Variants in TEX9 observed in about 807,000 individuals in gnomAD.
The protein encoded by TEX9 is testis expressed 9.
A neutral mutation model predicts 59.6 loss-of-function variants in TEX9; 74 were observed. The ratio of observed to expected loss-of-function variants is 1.24; its 90% CI spans 1.03 to 1.51. TEX9 has a LOEUF of 1.51. Among genes scored for constraint, TEX9 ranks in the 40% most tolerant of loss-of-function variants. The probability of loss-of-function intolerance (pLI) is 0.00; values close to 1 mark genes in which losing one functional copy is unlikely to be tolerated. For missense variants in TEX9, 522 were observed against 447.8 expected (o/e 1.17, Z -1.49); for synonymous variants, 186 against 152.2 (o/e 1.22, Z -1.64).
At chr15:56,340,934 C>T (rs1596103328) in intron 1 of TEX9, among the ~76,000 whole-genome samples, 1 of 152,056 alleles carries the variant, frequency 6.6e-6, no homozygotes, top group African/African-American at 2.4e-5. Flanking sequence ...TTTCTGCAGG[C>T]CCATAGGGTT....
At chr15:56,375,821 C>T (rs867069953) in intron 3 of TEX9, among the ~76,000 whole-genome samples, 19 of 150,938 alleles carry the variant, frequency 1.3e-4, no homozygotes, top group Non-Finnish European at 5.9e-5. Context: ...GGAACCAACC[C>T]AAATGTCCAA....
At chr15:56,316,825 A>G (rs2713905) in intron 1 of TEX9, among the ~76,000 whole-genome samples, 138,413 of 152,238 alleles carry the variant, frequency 0.91, 64,110 homozygotes, top group Non-Finnish European at 1. Context: ...AGGACCCTCC[A>G]AGCCAGGTGC....
intron 1 of TEX9, among the ~76,000 whole-genome samples, chr15:56,319,515 G>T (rs1387108994): frequency 1.3e-5 from 2 of 152,010 alleles, no homozygotes; most frequent in Admixed American, 6.5e-5. Flanking sequence ...ATAATAAAAA[G>T]GTACCCTTTC....
chr15:56,341,702 A>G (rs1309232843), intron 1 of TEX9, among the ~76,000 whole-genome samples: 1 of 152,228 alleles, frequency 6.6e-6, no homozygotes, highest in Non-Finnish European at 1.5e-5. Context: ...AATAGTAATT[A>G]TTATTTAAAT....
intron 1 of TEX9, among the ~76,000 whole-genome samples, chr15:56,329,531 C>T (rs2046097316): frequency 6.6e-6 from 1 of 151,944 alleles, no homozygotes; most frequent in East Asian, 1.9e-4. Context: ...TAGAAAACTC[C>T]AATTCAAGAT....
chr15:56,345,594 T>C (rs963570221), intron 1 of TEX9, among the ~76,000 whole-genome samples: 2 of 152,286 alleles, frequency 1.3e-5, no homozygotes, highest in East Asian at 1.9e-4. Context: ...CCAGCTTCTT[T>C]CCCAGCTTTT....
intron 3 of TEX9, among the ~76,000 whole-genome samples, chr15:56,377,951 G>A (rs1422867177): frequency 6.6e-6 from 1 of 152,090 alleles, no homozygotes; most frequent in Non-Finnish European, 1.5e-5. Context: ...TTTATCAAAT[G>A]CTTTTCCAGG....
chr15:56,386,347 G>T (rs1183780548), intron 4 of TEX9, among the ~76,000 whole-genome samples: 2 of 151,836 alleles, frequency 1.3e-5, no homozygotes, highest in Non-Finnish European at 1.5e-5. Flanking sequence ...CTTGGTGGTT[G>T]TGGTGGTTAT....
chr15:56,380,963 C>T (rs1350369121), intron 3 of TEX9, among the ~76,000 whole-genome samples: 1 of 152,140 alleles, frequency 6.6e-6, no homozygotes, highest in Non-Finnish European at 1.5e-5. Flanking sequence ...TGATAACTTT[C>T]TCAAGGTTTG....
chr15:56,273,793 A>G (rs2141414478), intron 1 of TEX9, among the ~76,000 whole-genome samples: 1 of 151,934 alleles, frequency 6.6e-6, no homozygotes, highest in Admixed American at 6.5e-5. Context: ...TGAATAGTCT[A>G]CTCTAATTCT....
intron 10 of TEX9, among the ~76,000 whole-genome samples, chr15:56,427,237 A>G (rs1285628833): frequency 7.2e-5 from 11 of 151,768 alleles, no homozygotes; most frequent in African/African-American, 2.4e-4. Flanking sequence ...TCCAGTTTCT[A>G]CTTATTATTG....
chr15:56,310,959 G>A (rs1449326334), intron 1 of TEX9, among the ~76,000 whole-genome samples: 1 of 152,024 alleles, frequency 6.6e-6, no homozygotes, highest in African/African-American at 2.4e-5. Flanking sequence ...AAAGTCATAG[G>A]GAAGGGCCCT....
chr15:56,428,880 TGTTGTAGA>T (rs1424370200), intron 12 of TEX9: 1 of 490,730 alleles, frequency 2.0e-6, no homozygotes, highest in African/African-American at 2.0e-5. Flanking sequence ...TGCTCTGTAG[TGTTGTAGA>T]AATCGGATTT....
At chr15:56,427,829 C>T (rs2068143594) in intron 11 of TEX9, 90 bp downstream of exon 11, 1 of 977,012 alleles carries the variant, frequency 1.0e-6, no homozygotes, top group Non-Finnish European at 1.4e-6. Context: ...ATGTTTTTGA[C>T]ATCTTTACGC....
intron 10 of TEX9, among the ~76,000 whole-genome samples, chr15:56,414,457 T>C (rs773593058): frequency 1.4e-4 from 21 of 151,912 alleles, no homozygotes; most frequent in Admixed American, 9.8e-4. Flanking sequence ...TAAGTTCTTA[T>C]CATTTAGCTC....
At chr15:56,265,185 G>T in intron 1 of TEX9, among the ~76,000 whole-genome samples, 1 of 148,762 alleles carries the variant, frequency 6.7e-6, no homozygotes. Context: ...TTTTTAACAG[G>T]GTCTCACTGT....
intron 1 of TEX9, among the ~76,000 whole-genome samples, chr15:56,297,288 C>G (rs1384098911): frequency 6.6e-6 from 1 of 152,102 alleles, no homozygotes; most frequent in East Asian, 1.9e-4. Flanking sequence ...AATAGGGCGT[C>G]TCTTAAGTAC....
At chr15:56,388,375 G>A in intron 4 of TEX9, 97 bp from the exon 5 acceptor site, 1 of 967,892 alleles carries the variant, frequency 1.0e-6, no homozygotes, top group Non-Finnish European at 1.6e-6. Flanking sequence ...CTGTTTGATT[G>A]TTGAATATTT....
At chr15:56,440,253 A>G (rs548415437) in intron 12 of TEX9, among the ~76,000 whole-genome samples, 1 of 152,062 alleles carries the variant, frequency 6.6e-6, no homozygotes, top group South Asian at 2.1e-4. Flanking sequence ...TGGCTAAAAT[A>G]AAAAATTGTT....
Sources: allele counts gnomAD v4.1 joint callset (sites outside exome capture counted in the v4.1 genomes callset), GRCh38; gene constraint gnomAD v4.1.1; transcripts MANE v1.5; gene names NCBI Gene and HGNC (gene_info 2026-07-23, HGNC 2026-07-21).